Variants in GPATCH2 observed in about 807,000 individuals in gnomAD.
The protein encoded by GPATCH2 is G-patch domain containing 2.
GPATCH2 carries 51 observed loss-of-function variants against 58.0 expected under a neutral mutation model. That is an observed-to-expected ratio of 0.88 (90% CI 0.70 to 1.11). The LOEUF (loss-of-function observed/expected upper bound fraction) is 1.11, where lower values mean the gene tolerates loss of function less well. Ranked by LOEUF, GPATCH2 falls within the 50% of genes most tolerant of loss-of-function variation. The pLI is 0.00. For synonymous variants in GPATCH2, 222 were observed against 218.5 expected, an observed-to-expected ratio of 1.02 and a Z score of -0.14; for missense variants, 625 against 652.2, an observed-to-expected ratio of 0.96 and a Z score of 0.45.
intron 5 of GPATCH2, among the ~76,000 whole-genome samples, chr1:217,548,959 G>A (rs1003833065): frequency 1.3e-5 from 2 of 152,018 alleles, no homozygotes; most frequent in African/African-American, 4.8e-5. Context: ...CTAATACATG[G>A]GGAGATATCA....
chr1:217,581,850 C>T (rs975826556), intron 5 of GPATCH2, among the ~76,000 whole-genome samples: 1 of 152,120 alleles, frequency 6.6e-6, no homozygotes, highest in African/African-American at 2.4e-5. Context: ...ACTTGGGAGG[C>T]TGAGGCAGGA....
intron 6 of GPATCH2, among the ~76,000 whole-genome samples, chr1:217,511,368 T>A (rs924955567): frequency 2.0e-5 from 3 of 152,128 alleles, no homozygotes; most frequent in Non-Finnish European, 4.4e-5. Context: ...GGGCTGATAA[T>A]TTTCAGGAAA....
chr1:217,628,169 A>G (rs1346768315), intron 1 of GPATCH2, among the ~76,000 whole-genome samples: 1 of 152,096 alleles, frequency 6.6e-6, no homozygotes, highest in African/African-American at 2.4e-5. Flanking sequence ...ATTTTAAAAA[A>G]TAATCTGCCA....
At chr1:217,436,628 TATATCACAGACAC>T (rs1408407123) in intron 9 of GPATCH2, among the ~76,000 whole-genome samples, 1 of 152,222 alleles carries the variant, frequency 6.6e-6, no homozygotes, top group Non-Finnish European at 1.5e-5. Context: ...ATATGGACAA[TATATCACAGACAC>T]ATTTGGATAA....
chr1:217,464,569 T>C (rs1383931606), intron 8 of GPATCH2, among the ~76,000 whole-genome samples: 1 of 152,086 alleles, frequency 6.6e-6, no homozygotes, highest in East Asian at 1.9e-4. Flanking sequence ...ATTAAAAAAT[T>C]AAAGTGATTT....
Position 217,427,304 on chromosome 1 carries a change from C to T in GPATCH2, c.*3841G>A, listed in dbSNP as rs1658375197. 6.6e-6 allele frequency: 1 copy of T among 152,082 alleles called. No homozygotes were observed. Among genetic ancestry groups the T allele is most frequent in the Non-Finnish European group, 1.5e-5 (1 of 67,996 alleles). The allele number at this position is 152,082 out of a possible 1,614,324, so 9.4% of individuals were successfully genotyped here. On this transcript the variant is annotated 3_prime_UTR_variant, in exon 10 of 10. Coordinates refer to ENST00000366935, the MANE Select transcript of GPATCH2 (RefSeq NM_018040.5). ...CAGGAAAATGTGGTAGAGCAGCTCA[C>T]AATCGGCTATGAATACATTTGTGAA...
At chr1:217,597,511 A>G (rs1558513177) in intron 5 of GPATCH2, among the ~76,000 whole-genome samples, 1 of 152,008 alleles carries the variant, frequency 6.6e-6, no homozygotes, top group Non-Finnish European at 1.5e-5. Context: ...GGCTCTAGAT[A>G]CCTCTTAAAC....
chr1:217,505,061 T>C (rs1246287589), intron 6 of GPATCH2, among the ~76,000 whole-genome samples: 1 of 152,132 alleles, frequency 6.6e-6, no homozygotes, highest in Non-Finnish European at 1.5e-5. Context: ...TAGAAAAATC[T>C]GGGAGTAGGG....
intron 9 of GPATCH2, among the ~76,000 whole-genome samples, chr1:217,442,824 A>C (rs915488661): frequency 2.0e-5 from 3 of 152,098 alleles, no homozygotes; most frequent in African/African-American, 7.2e-5. Flanking sequence ...TAGTTTCTCC[A>C]TTTACATTTA....
In GPATCH2 at chr1:217,466,417, G is replaced by A. The variant is rs563868234; in HGVS notation, c.1278-17080C>T. ...CTTTCTTCCTTTTTGTGGAGAATGG[G>A]TCTTTCTATATGGCCCAGGCAGGTC... is the stretch of plus-strand genomic sequence containing the variant. On this transcript the variant is annotated intron_variant, in intron 8 of 9. Coordinates refer to ENST00000366935, the MANE Select transcript of GPATCH2 (RefSeq NM_018040.5). 5.3e-5 allele frequency among the ~76,000 whole-genome samples: 8 copies of A among 152,158 alleles called. No homozygotes were observed. In the South Asian group the frequency reaches 6.2e-4, roughly 12 times the overall value.
chr1:217,491,348 C>T (rs773150361), intron 8 of GPATCH2, among the ~76,000 whole-genome samples: 82 of 151,940 alleles, frequency 5.4e-4, no homozygotes, highest in Non-Finnish European at 1.1e-3. Flanking sequence ...CTCATAAGGT[C>T]TAAATGCCAC....
At chr1:217,477,098 G>A (rs1430127801) in intron 8 of GPATCH2, among the ~76,000 whole-genome samples, 1 of 152,148 alleles carries the variant, frequency 6.6e-6, no homozygotes, top group East Asian at 1.9e-4. Context: ...TCAGGGCCTA[G>A]CTCCTGGATG....
intron 3 of GPATCH2, among the ~76,000 whole-genome samples, chr1:217,613,234 C>T (rs1318012201): frequency 6.6e-6 from 1 of 151,722 alleles, no homozygotes; most frequent in Non-Finnish European, 1.5e-5. Context: ...TCATTTAGGA[C>T]AAATAGTTTA....
At chr1:217,585,573 T>A (rs1308305028) in intron 5 of GPATCH2, among the ~76,000 whole-genome samples, 2 of 152,080 alleles carry the variant, frequency 1.3e-5, no homozygotes, top group Non-Finnish European at 2.9e-5. Context: ...TTAGCCGAGA[T>A]CACGCCACTG....
At chr1:217,588,683 T>C (rs1396487387) in intron 5 of GPATCH2, among the ~76,000 whole-genome samples, 1 of 152,152 alleles carries the variant, frequency 6.6e-6, no homozygotes, top group Non-Finnish European at 1.5e-5. Context: ...CCTTACTCAG[T>C]ATCATCATTC....
chr1:217,602,027 T>C (rs1371788407), intron 5 of GPATCH2, among the ~76,000 whole-genome samples: 1 of 152,162 alleles, frequency 6.6e-6, no homozygotes, highest in African/African-American at 2.4e-5. Context: ...TTCAGTCTAG[T>C]CCATGGATCC....
chr1:217,560,835 T>C (rs1369836722), intron 5 of GPATCH2, among the ~76,000 whole-genome samples: 1 of 152,212 alleles, frequency 6.6e-6, no homozygotes, highest in African/African-American at 2.4e-5. Context: ...CCATGGCGGT[T>C]ATATTTTCTT....
intron 5 of GPATCH2, among the ~76,000 whole-genome samples, chr1:217,599,047 G>A (rs987820443): frequency 2.0e-5 from 3 of 152,192 alleles, no homozygotes; most frequent in African/African-American, 7.2e-5. Flanking sequence ...AATCTAGCAG[G>A]AAGAAGTGAG....
At chr1:217,531,530 C>T (rs539546649) in intron 5 of GPATCH2, among the ~76,000 whole-genome samples, 1 of 152,248 alleles carries the variant, frequency 6.6e-6, no homozygotes, top group South Asian at 2.1e-4. Context: ...ATACCTATCT[C>T]ATGAAATAGT....
Sources: gnomAD v4.1 joint callset for allele counts (sites outside exome capture counted in the v4.1 genomes callset) on GRCh38, gnomAD v4.1.1 for gene constraint, MANE v1.5 for transcripts, NCBI Gene and HGNC (gene_info 2026-07-23, HGNC 2026-07-21) for gene names.